Variants in FBN1 observed in about 807,000 individuals in gnomAD.
FBN1 encodes the protein fibrillin-1.
Under a neutral mutation model 365.1 loss-of-function variants are expected in FBN1, and 29 were observed. The observed-to-expected ratio is 0.08, with a 90% CI of 0.06 to 0.11. The LOEUF is 0.11. FBN1 is among the 10% of genes least tolerant of loss of function. The probability of loss-of-function intolerance (pLI) is 1.00; values close to 1 mark genes in which losing one functional copy is unlikely to be tolerated. For missense variants in FBN1, 2,476 were observed against 3,703.2 expected, an observed-to-expected ratio of 0.67 and a Z score of 8.60; for synonymous variants, 1,210 against 1,270.5, an observed-to-expected ratio of 0.95 and a Z score of 1.01.
At chr15:48,616,340 A>C (rs1169721685) in intron 2 of FBN1, among the ~76,000 whole-genome samples, 1 of 152,254 alleles carries the variant, frequency 6.6e-6, no homozygotes, top group Non-Finnish European at 1.5e-5. Flanking sequence ...TCTAAATGCT[A>C]TGTGGTATGG....
At chr15:48,600,939 C>G (rs2044560715) in intron 4 of FBN1, among the ~76,000 whole-genome samples, 1 of 152,064 alleles carries the variant, frequency 6.6e-6, no homozygotes, top group Non-Finnish European at 1.5e-5. Context: ...TTAAGAGTAG[C>G]AAATTCCAAA....
chr15:48,466,997 C>G (rs1416539201), intron 38 of FBN1, among the ~76,000 whole-genome samples: 2 of 152,078 alleles, frequency 1.3e-5, no homozygotes, highest in Non-Finnish European at 2.9e-5. Flanking sequence ...GTGCTGGGTG[C>G]TCTGCATGAG....
chr15:48,456,903 A>G, intron 43 of FBN1, 141 bp from the exon 44 acceptor site: 2 of 776,296 alleles, frequency 2.6e-6, no homozygotes, highest in Non-Finnish European at 4.4e-6. Context: ...GGTGATGGCA[A>G]TAGGGACATC....
At chr15:48,481,851 A>G (rs2043467970) in intron 31 of FBN1, 71 bp from the exon 32 acceptor site, 10 of 1,437,062 alleles carry the variant, frequency 7.0e-6, no homozygotes, top group Non-Finnish European at 6.8e-6. Flanking sequence ...TCGAGACATA[A>G]TAACTATGAC....
chr15:48,501,267 A>C (rs1295647046), intron 17 of FBN1, among the ~76,000 whole-genome samples: 1 of 152,168 alleles, frequency 6.6e-6, no homozygotes, highest in East Asian at 1.9e-4. Context: ...TACCCTCATG[A>C]ATGGATTAAT....
rs1374170310 is a variant in FBN1 at position 48,415,589 on chromosome 15, G to A, written c.7998C>T (p.Thr2666=). 8.7e-6 allele frequency: 14 copies of A among 1,614,074 alleles called. No homozygotes were observed. The highest frequency in any genetic ancestry group is 2.2e-5 in the South Asian group (2 of 91,088). Residue 2666 remains threonine, a synonymous_variant, in exon 64 of 66, where the codon ACC becomes ACT. Transcript: ENST00000316623. ...GACAGCCACACAGGTAACCGCCCTC[G>A]GTATTGGAACAGCCATAGCTGCAGG... ...QAPCSYGCSN[T]EGGYLCGCPP...
At chr15:48,621,894 A>G (rs960245216) in intron 2 of FBN1, among the ~76,000 whole-genome samples, 4 of 150,994 alleles carry the variant, frequency 2.6e-5, no homozygotes, top group African/African-American at 9.7e-5. Flanking sequence ...GCTACTCGGG[A>G]GGCTGAGGCA....
chr15:48,473,135 T>C (rs2043391712), intron 34 of FBN1, among the ~76,000 whole-genome samples: 1 of 152,186 alleles, frequency 6.6e-6, no homozygotes, highest in African/African-American at 2.4e-5. Context: ...ATCAAACACA[T>C]AAACCACACA....
intron 2 of FBN1, chr15:48,642,314 G>A (rs1890211756): frequency 6.6e-6 from 1 of 152,130 alleles, no homozygotes; most frequent in South Asian, 2.1e-4. Flanking sequence ...GGAAGGTGGA[G>A]GCAGTAAGCC....
chr15:48,630,750 A>AG (rs1889973200), intron 2 of FBN1, among the ~76,000 whole-genome samples: 1 of 149,794 alleles, frequency 6.7e-6, no homozygotes, highest in Non-Finnish European at 1.5e-5. Context: ...AAAAAAAAAA[A>AG]GAAAAGAAAA....
chr15:48,529,405 A>G (rs1268502925), intron 8 of FBN1: 1 of 152,318 alleles, frequency 6.6e-6, no homozygotes, highest in Non-Finnish European at 1.5e-5. Context: ...GTTCTCCCAG[A>G]GCATTCTTCC....
chr15:48,491,517 CT>C (rs1301014521), intron 24 of FBN1, among the ~76,000 whole-genome samples: 1 of 151,852 alleles, frequency 6.6e-6, no homozygotes, highest in Admixed American at 6.6e-5. Flanking sequence ...TGCCTGGCTA[CT>C]TTTTTTGTAT....
rs2044516014 is a variant in FBN1, at chr15:48,596,365, A to T, written c.456T>A (p.Ser152Arg). The T allele has an allele frequency of 3.1e-6, 5 of 1,614,024 alleles. No homozygotes were observed. The highest frequency in any genetic ancestry group is 4.2e-6 in the Non-Finnish European group (5 of 1,179,880). Residue 152 changes from serine to arginine, a missense_variant, in exon 6 of 66, where the codon AGT becomes AGA. Around this residue, in one of 5 missense-constraint regions of FBN1, gnomAD observed 421 missense variants for 520.1 expected, o/e 0.81. Coordinates refer to ENST00000316623, the MANE Select transcript of FBN1 (RefSeq NM_000138.5). ...GTHCGQPVCE[S>R]GCLNGGRCVA... is the part of the protein sequence containing the mutation. ...CACACCTTCCTCCATTGAGACAGCC[A>T]CTTTCACAAACAGCTGTAAAATAAG...
chr15:48,491,072 G>C (rs4283172), intron 24 of FBN1, among the ~76,000 whole-genome samples: 2 of 151,926 alleles, frequency 1.3e-5, no homozygotes, highest in Admixed American at 6.6e-5. Flanking sequence ...TTATTTTTAA[G>C]TGAATCCTAA....
chr15:48,421,533 G>A, intron 62 of FBN1, 25 bp downstream of exon 62: 1 of 1,609,140 alleles, frequency 6.2e-7, no homozygotes, highest in Non-Finnish European at 8.5e-7. Flanking sequence ...TCACCAGCTG[G>A]ATCGCAGCTG....
chr15:48,557,490 C>T (rs913913372), intron 6 of FBN1, among the ~76,000 whole-genome samples: 13 of 152,240 alleles, frequency 8.5e-5, no homozygotes, highest in Middle Eastern at 3.4e-3. Flanking sequence ...CTGAGGATGG[C>T]GTCAAGAAAG....
intron 6 of FBN1, among the ~76,000 whole-genome samples, chr15:48,573,521 G>A (rs149155463): frequency 1.3e-5 from 2 of 152,210 alleles, no homozygotes; most frequent in East Asian, 3.9e-4. Context: ...TTCCAAAACA[G>A]GTCTTACAAG....
At chr15:48,479,271 T>C (rs953773446) in intron 32 of FBN1, among the ~76,000 whole-genome samples, 2 of 152,236 alleles carry the variant, frequency 1.3e-5, no homozygotes, top group African/African-American at 4.8e-5. Flanking sequence ...TTTTCAAGTA[T>C]ACCAAACTTA....
At chr15:48,446,093 C>T (rs1214375248) in intron 47 of FBN1, among the ~76,000 whole-genome samples, 1 of 151,946 alleles carries the variant, frequency 6.6e-6, no homozygotes, top group African/African-American at 2.4e-5. Context: ...AATCTAATTC[C>T]ATTTATTTTG....
Sources: allele counts gnomAD v4.1 joint callset (sites outside exome capture counted in the v4.1 genomes callset), GRCh38; gene constraint gnomAD v4.1.1; regional missense constraint gnomAD v4.1.1; transcripts MANE v1.5; gene names NCBI Gene and HGNC (gene_info 2026-07-23, HGNC 2026-07-21).